Variants in SPTLC3 observed in about 807,000 individuals in gnomAD.
SPTLC3 encodes serine palmitoyltransferase 3.
SPTLC3 carries 36 observed loss-of-function variants against 59.3 expected under a neutral mutation model. The ratio of observed to expected loss-of-function variants is 0.61; its 90% CI spans 0.47 to 0.80. The LOEUF (loss-of-function observed/expected upper bound fraction) is 0.80. SPTLC3 is among the 30% of genes least tolerant of loss of function. The pLI is 0.00. For missense variants in SPTLC3, 625 were observed against 685.1 expected, an observed-to-expected ratio of 0.91 and a Z score of 0.98; for synonymous variants, 257 against 240.8, an observed-to-expected ratio of 1.07 and a Z score of -0.62.
intron 1 of SPTLC3, among the ~76,000 whole-genome samples, chr20:13,031,648 T>C (rs907392468): frequency 1.3e-5 from 2 of 152,158 alleles, no homozygotes; most frequent in African/African-American, 4.8e-5. Flanking sequence ...ATGACCTCCA[T>C]GAGGCTGGGT....
chr20:13,141,211 C>T (rs1339549262), intron 9 of SPTLC3, among the ~76,000 whole-genome samples: 1 of 152,188 alleles, frequency 6.6e-6, no homozygotes, highest in African/African-American at 2.4e-5. Flanking sequence ...TCTCATAAGA[C>T]ATTGATTGTC....
At chr20:13,159,672 T>C (rs996364108) in intron 10 of SPTLC3, among the ~76,000 whole-genome samples, 3 of 152,244 alleles carry the variant, frequency 2.0e-5, no homozygotes, top group African/African-American at 7.2e-5. Flanking sequence ...ATGGATTTTA[T>C]ATCACTGCAG....
At chr20:13,124,884 C>A (rs956147529) in intron 8 of SPTLC3, among the ~76,000 whole-genome samples, 1 of 152,286 alleles carries the variant, frequency 6.6e-6, no homozygotes, top group East Asian at 1.9e-4. Context: ...TACCCCAAAG[C>A]AGAGGATCTC....
At chr20:13,122,696 C>T (rs912452944) in intron 8 of SPTLC3, among the ~76,000 whole-genome samples, 5 of 152,174 alleles carry the variant, frequency 3.3e-5, no homozygotes, top group Non-Finnish European at 7.3e-5. Flanking sequence ...AACCTCAGGC[C>T]ACCAGGGAAT....
At chr20:13,116,440 G>A (rs1034631934) in intron 7 of SPTLC3, among the ~76,000 whole-genome samples, 2 of 152,172 alleles carry the variant, frequency 1.3e-5, no homozygotes, top group Non-Finnish European at 2.9e-5. Context: ...AAAGTGTTCT[G>A]AGAACTGATT....
rs563960115 is a variant in SPTLC3 at position 13,144,070 on chromosome 20, G to T, written c.1280-9933G>T. On this transcript the variant is annotated intron_variant, in intron 9 of 11. Transcript: ENST00000399002. ...CCATCAAAAAATTGTGACTCTCAAG[G>T]TGGCATTTTTAGCTTATGATGATCT... is the stretch of plus-strand genomic sequence containing the variant. Among the ~76,000 whole-genome samples the T allele has an allele frequency of 3.3e-5, 5 of 152,254 alleles. No homozygotes were observed. The South Asian group carries it at 1.0e-3, about 32-fold the overall frequency.
chr20:13,098,454 T>G (rs1989496435), intron 6 of SPTLC3, among the ~76,000 whole-genome samples: 1 of 152,232 alleles, frequency 6.6e-6, no homozygotes, highest in South Asian at 2.1e-4. Flanking sequence ...ACTCTTATTC[T>G]TGGAATTTTT....
intron 6 of SPTLC3, among the ~76,000 whole-genome samples, chr20:13,107,993 A>T (rs1178996021): frequency 6.6e-6 from 1 of 152,118 alleles, no homozygotes; most frequent in Non-Finnish European, 1.5e-5. Context: ...GTGTATTAAC[A>T]CTACTGTTTG....
At chr20:13,048,095 A>C (rs193161852) in intron 1 of SPTLC3, among the ~76,000 whole-genome samples, 1 of 152,310 alleles carries the variant, frequency 6.6e-6, no homozygotes, top group Non-Finnish European at 1.5e-5. Context: ...GGCATTACAT[A>C]ATTGTAAAGG....
At chr20:13,109,777 C>T (rs1032136907) in intron 6 of SPTLC3, among the ~76,000 whole-genome samples, 30 of 152,158 alleles carry the variant, frequency 2.0e-4, no homozygotes, top group African/African-American at 7.2e-4. Flanking sequence ...TTCATTTCAG[C>T]CTGCAACAAA....
In SPTLC3 at chr20:13,080,285, G is replaced by A. The variant is rs6131430; in HGVS notation, c.607+5788G>A. ...GACACTTTGGGAGGCCTAGGCAGGC[G>A]GATCACGAGGTCAAGAGATCAAGAC... On this transcript the variant is annotated intron_variant, in intron 4 of 11. Transcript: ENST00000399002. Among the ~76,000 whole-genome samples, 48 of 152,008 alleles carry A rather than the reference G, an allele frequency of 3.2e-4. 1 individual carries two copies. In the East Asian group the frequency reaches 7.0e-3, roughly 22 times the overall value.
intron 9 of SPTLC3, among the ~76,000 whole-genome samples, chr20:13,146,903 C>T (rs567826648): frequency 9.8e-5 from 15 of 152,320 alleles, no homozygotes; most frequent in East Asian, 3.9e-4. Flanking sequence ...AGGTCAGCTG[C>T]GTAATGCCTT....
intron 7 of SPTLC3, among the ~76,000 whole-genome samples, chr20:13,117,131 A>G (rs1990605175): frequency 6.6e-6 from 1 of 152,246 alleles, no homozygotes. Context: ...CCAGGCTGAT[A>G]AAGGGAATGA....
intron 1 of SPTLC3, among the ~76,000 whole-genome samples, chr20:13,019,645 C>A (rs1985760317): frequency 6.6e-6 from 1 of 152,144 alleles, no homozygotes; most frequent in Admixed American, 6.5e-5. Flanking sequence ...AAGTGTTCAT[C>A]AAAGTGTTAG....
chr20:13,123,612 G>A (rs529870494), intron 8 of SPTLC3, among the ~76,000 whole-genome samples: 2 of 152,248 alleles, frequency 1.3e-5, no homozygotes, highest in South Asian at 4.1e-4. Context: ...CCTCCAAGGG[G>A]ACAGTTCCTC....
At chr20:13,030,686 G>A (rs117573934) in intron 1 of SPTLC3, among the ~76,000 whole-genome samples, 1 of 152,004 alleles carries the variant, frequency 6.6e-6, no homozygotes, top group Non-Finnish European at 1.5e-5. Context: ...GTGGATGGAG[G>A]TCCTCCTCCT....
At chr20:13,106,249 AGAACATT>A (rs1600286017) in intron 6 of SPTLC3, among the ~76,000 whole-genome samples, 1 of 152,184 alleles carries the variant, frequency 6.6e-6, no homozygotes, top group East Asian at 1.9e-4. Flanking sequence ...CTCCAGGAAA[AGAACATT>A]GATGCAATTA....
At chr20:13,020,749 C>T (rs1985838726) in intron 1 of SPTLC3, among the ~76,000 whole-genome samples, 2 of 152,070 alleles carry the variant, frequency 1.3e-5, no homozygotes, top group Admixed American at 1.3e-4. Context: ...AGACCACTAG[C>T]TTTGATATCA....
intron 2 of SPTLC3, among the ~76,000 whole-genome samples, chr20:13,054,285 A>G (rs912674792): frequency 1.3e-5 from 2 of 152,200 alleles, no homozygotes; most frequent in Non-Finnish European, 2.9e-5. Flanking sequence ...TTAGTAAGCC[A>G]TGGACATGTA....
Sources: allele counts gnomAD v4.1 joint callset (sites outside exome capture counted in the v4.1 genomes callset), GRCh38; gene constraint gnomAD v4.1.1; transcripts MANE v1.5; gene names NCBI Gene and HGNC (gene_info 2026-07-23, HGNC 2026-07-21).